Variants in SPEF2 observed in about 807,000 individuals in gnomAD.
SPEF2 encodes the protein sperm flagella and cilia-associated protein 2.
Under a neutral mutation model 224.6 loss-of-function variants are expected in SPEF2, and 187 were observed. The ratio of observed to expected loss-of-function variants is 0.83; its 90% CI spans 0.74 to 0.94. The LOEUF (loss-of-function observed/expected upper bound fraction) is 0.94, where lower values mean the gene tolerates loss of function less well. Ranked by LOEUF, SPEF2 falls within the 40% of genes least tolerant of loss-of-function variation. The pLI is 0.00. For missense variants in SPEF2, 2,170 were observed against 2,135.6 expected (o/e 1.02, Z -0.32); for synonymous variants, 715 against 707.3 (o/e 1.01, Z -0.17).
chr5:35,810,527 G>A (rs148777368), intron 36 of SPEF2, among the ~76,000 whole-genome samples: 36 of 152,308 alleles, frequency 2.4e-4, no homozygotes, highest in African/African-American at 8.4e-4. Flanking sequence ...CTGAAGGAGT[G>A]TCAGCAACTA....
chr5:35,762,427 G>A (rs1473517003), intron 25 of SPEF2, among the ~76,000 whole-genome samples: 2 of 152,188 alleles, frequency 1.3e-5, no homozygotes, highest in African/African-American at 4.8e-5. Context: ...CAGTGATTTA[G>A]CCTTATTTGA....
intron 23 of SPEF2, among the ~76,000 whole-genome samples, chr5:35,751,905 A>G (rs1749716308): frequency 6.6e-6 from 1 of 152,160 alleles, no homozygotes. Flanking sequence ...AATGTAATGC[A>G]GTGGTCCCCA....
At chr5:35,709,634 A>G (rs1210706255) in intron 19 of SPEF2, 1 of 961,492 alleles carries the variant, frequency 1.0e-6, no homozygotes, top group Admixed American at 8.0e-5. Flanking sequence ...CTGCCATCTC[A>G]GTAAACATAT....
intron 19 of SPEF2, among the ~76,000 whole-genome samples, chr5:35,711,445 T>C (rs1741112623): frequency 2.0e-5 from 3 of 152,172 alleles, no homozygotes; most frequent in African/African-American, 7.2e-5. Flanking sequence ...AAAAACTCCA[T>C]AGTTATGTTC....
chr5:35,779,622 A>G (rs888250022), intron 30 of SPEF2, among the ~76,000 whole-genome samples: 2 of 152,122 alleles, frequency 1.3e-5, no homozygotes, highest in Non-Finnish European at 2.9e-5. Flanking sequence ...ACAAGTTTGT[A>G]TATTTGAGTA....
intron 10 of SPEF2, 69 bp from the exon 11 acceptor site, chr5:35,690,968 T>A: frequency 7.6e-7 from 1 of 1,310,050 alleles, no homozygotes; most frequent in Non-Finnish European, 1.1e-6. Flanking sequence ...CTTTTAACAT[T>A]TAAATATTTC....
chr5:35,793,482 C>A, intron 32 of SPEF2, 141 bp downstream of exon 32: 1 of 770,652 alleles, frequency 1.3e-6, no homozygotes, highest in Non-Finnish European at 1.9e-6. Flanking sequence ...CCAGAGGCAG[C>A]ACAGGCAGTG....
chr5:35,765,378 T>C (rs903821591), intron 26 of SPEF2, among the ~76,000 whole-genome samples: 1 of 152,200 alleles, frequency 6.6e-6, no homozygotes, highest in African/African-American at 2.4e-5. Context: ...GGTGTCGGTA[T>C]GGATACTGCT....
At position 35,695,792 on chromosome 5, in the gene SPEF2, T is replaced by G. The variant is rs1755225921; in HGVS notation, c.2033T>G (p.Leu678Ter). ...AEEVKSSDSF[L>*]KLTTRAQLGA... ...GAAGTCAAATCAAGTGATAGTTTCTTAAAAGTAAGTATTATGATCTAATTT... is the reference window on the plus strand; with the variant it reads ...GAAGTCAAATCAAGTGATAGTTTCTGAAAAGTAAGTATTATGATCTAATTT... The change falls in exon 14 of 37, where the codon TTA becomes TGA. Residue 678 changes from leucine to a stop codon, truncating the protein, a stop_gained. Transcript: ENST00000356031. LOFTEE classifies it high-confidence loss of function. The G allele has an allele frequency of 6.2e-7, 1 of 1,603,656 alleles. No homozygotes were observed. The highest frequency in any genetic ancestry group is 1.3e-5 in the African/African-American group (1 of 74,636).
At chr5:35,745,577 T>G (rs2149705728) in intron 23 of SPEF2, among the ~76,000 whole-genome samples, 1 of 152,178 alleles carries the variant, frequency 6.6e-6, no homozygotes, top group East Asian at 1.9e-4. Context: ...AGCACCTACA[T>G]GACTCAGCAG....
At chr5:35,720,823 C>A (rs1424294524) in intron 20 of SPEF2, among the ~76,000 whole-genome samples, 1 of 152,162 alleles carries the variant, frequency 6.6e-6, no homozygotes, top group East Asian at 1.9e-4. Flanking sequence ...TTTCTGGACA[C>A]TTCAGGGGCC....
chr5:35,754,226 G>A lies in SPEF2; in HGVS notation c.3468+465G>A, dbSNP rs114680831. Reference sequence around the variant, plus strand: ...AAACAGACCATAATCAATGCAACCCGATTAACTTATATTTGCAGCCTATTA... The same window carrying A: ...AAACAGACCATAATCAATGCAACCCAATTAACTTATATTTGCAGCCTATTA... On this transcript the variant is annotated intron_variant, in intron 24 of 36. Coordinates refer to ENST00000356031, the MANE Select transcript of SPEF2 (RefSeq NM_024867.4). 4.1e-3 allele frequency among the ~76,000 whole-genome samples: 629 copies of A among 152,236 alleles called. 3 individuals carry two copies. Among genetic ancestry groups the A allele is most frequent in the Middle Eastern group, 0.014 (4 of 294 alleles).
At position 35,704,640 on chromosome 5, in the gene SPEF2, T is replaced by G; in HGVS notation, c.2485T>G (p.Leu829Val). Residue 829 changes from leucine (L) to valine (V), a missense_variant, in exon 17 of 37, where the codon TTA (leucine) becomes GTA (valine). Leu to Val is a conservative substitution (Grantham distance 32). Coordinates refer to ENST00000356031, the MANE Select transcript of SPEF2 (RefSeq NM_024867.4). ...ENQDKDGDQN[L>V]RDQIQHRIIG... ...CCAAGATAAGGATGGAGACCAAAATTTAAGAGACCAGATACAACATAGGTT... is the reference window on the plus strand; with the variant it reads ...CCAAGATAAGGATGGAGACCAAAATGTAAGAGACCAGATACAACATAGGTT... 1 of 1,610,210 alleles carries G rather than the reference T, an allele frequency of 6.2e-7. No individual in the cohort carries two copies. Among genetic ancestry groups the G allele is most frequent in the East Asian group, 2.2e-5 (1 of 44,742 alleles).
chr5:35,745,599 A>G (rs1458365166), intron 23 of SPEF2, among the ~76,000 whole-genome samples: 9 of 151,804 alleles, frequency 5.9e-5, no homozygotes, highest in Middle Eastern at 3.2e-3. Context: ...GGCAGCCACA[A>G]TCCTCCTAGG....
In SPEF2 at chr5:35,753,685, G is replaced by T. The variant is rs572380741; in HGVS notation, c.3392G>T (p.Arg1131Leu). The T allele has an allele frequency of 5.6e-6, 9 of 1,613,996 alleles. No individual in the cohort carries two copies. In the East Asian group the frequency reaches 6.7e-5, roughly 12 times the overall value. Residue 1131 changes from arginine to leucine, a missense_variant, in exon 24 of 37, where the codon CGG becomes CTG. Coordinates refer to ENST00000356031, the MANE Select transcript of SPEF2 (RefSeq NM_024867.4). Reference sequence around the variant, plus strand: ...CGGAAGGAAGAGGCGGAGCAGGAGCGGCTTGACATCATTAATGAGAGCTGG... The same window carrying T: ...CGGAAGGAAGAGGCGGAGCAGGAGCTGCTTGACATCATTAATGAGAGCTGG... ...DARKEEAEQE[R>L]LDIINESWLQ...
intron 21 of SPEF2, among the ~76,000 whole-genome samples, chr5:35,729,016 C>A (rs911726358): frequency 2.6e-4 from 40 of 152,036 alleles, no homozygotes; most frequent in Middle Eastern, 3.4e-3. Context: ...TTCTTTAACT[C>A]CAAAACTTGA....
intron 20 of SPEF2, among the ~76,000 whole-genome samples, chr5:35,714,992 T>G (rs1217555035): frequency 6.6e-6 from 1 of 152,030 alleles, no homozygotes; most frequent in African/African-American, 2.4e-5. Flanking sequence ...CATGGCTCAT[T>G]GCAGCCTTGA....
chr5:35,746,475 A>AG (rs1272582990), intron 23 of SPEF2, among the ~76,000 whole-genome samples: 1 of 152,218 alleles, frequency 6.6e-6, no homozygotes, highest in Non-Finnish European at 1.5e-5. Flanking sequence ...AAAAGAAAAA[A>AG]CAAACAAAAA....
At chr5:35,643,532 A>G (rs6868674) in intron 3 of SPEF2, 41,740 of 455,858 alleles carry the variant, frequency 0.092, 2,529 homozygotes, top group East Asian at 0.18. Flanking sequence ...CAGTTGAGAA[A>G]AAGAGTCAGT....
Sources: gnomAD v4.1 joint callset for allele counts (sites outside exome capture counted in the v4.1 genomes callset) on GRCh38, gnomAD v4.1.1 for gene constraint, MANE v1.5 for transcripts, NCBI Gene and HGNC (gene_info 2026-07-23, HGNC 2026-07-21) for gene names.